The following CCDC14 variants were observed in gnomAD, a reference collection of about 807,000 sequenced individuals.
The protein encoded by CCDC14 is coiled-coil domain-containing protein 14.
A neutral mutation model predicts 81.4 loss-of-function variants in CCDC14; 71 were observed. That is an observed-to-expected ratio of 0.87 (90% CI 0.72 to 1.06). The LOEUF (loss-of-function observed/expected upper bound fraction) is 1.06, where lower values mean the gene tolerates loss of function less well. CCDC14 is among the 50% of genes least tolerant of loss of function. The pLI is 0.00. For synonymous variants in CCDC14, 332 were observed against 364.8 expected (o/e 0.91, Z 1.03); for missense variants, 1,046 against 1,047.3 (o/e 1.00, Z 0.02).
At chr3:123,890,274 A>C in the CCDC14 span, among the ~76,000 whole-genome samples, 1 of 152,182 alleles carries the variant, frequency 6.6e-6, no homozygotes, top group African/African-American at 2.4e-5. Context: ...CTGCCCCGGC[A>C]TCTCCCAAAT....
intron 7 of CCDC14, among the ~76,000 whole-genome samples, 185 bp downstream of exon 7, chr3:123,948,506 C>T (rs1314347942): frequency 2.0e-5 from 3 of 152,116 alleles, no homozygotes; most frequent in Non-Finnish European, 1.5e-5. Context: ...TCCCAAAGTG[C>T]CGGGATTACA....
intron 7 of CCDC14, among the ~76,000 whole-genome samples, chr3:123,948,239 CTT>C (rs5852375): frequency 3.4e-4 from 47 of 138,352 alleles, no homozygotes; most frequent in South Asian, 6.8e-4. Flanking sequence ...TCTTTCTTTT[CTT>C]TTTTTTTTTT....
chr3:123,892,152 T>C, the CCDC14 span, among the ~76,000 whole-genome samples: 4 of 152,230 alleles, frequency 2.6e-5, no homozygotes, highest in African/African-American at 7.2e-5. Flanking sequence ...ATGAGAATTA[T>C]GGAAGCTATA....
chr3:123,933,844 T>C, intron 9 of CCDC14, 89 bp from the exon 10 acceptor site: 3 of 848,946 alleles, frequency 3.5e-6, no homozygotes, highest in Non-Finnish European at 5.6e-6. Context: ...AGATAAAACA[T>C]AAACCCACTA....
intron 10 of CCDC14, 88 bp downstream of exon 10, chr3:123,933,585 C>T: frequency 5.0e-6 from 4 of 807,726 alleles, no homozygotes; most frequent in South Asian, 1.8e-5. Flanking sequence ...TAAATTTATC[C>T]CCTCAAAGTA....
intron 5 of CCDC14, among the ~76,000 whole-genome samples, chr3:123,902,932 T>C (rs943850767): frequency 6.6e-6 from 1 of 152,142 alleles, no homozygotes; most frequent in Non-Finnish European, 1.5e-5. Flanking sequence ...TAGGCCCACA[T>C]GCATTAGGTA....
downstream of CCDC14, among the ~76,000 whole-genome samples, chr3:123,911,930 A>G (rs902940783): frequency 2.0e-5 from 3 of 152,190 alleles, no homozygotes; most frequent in African/African-American, 7.2e-5. Context: ...AAGGTTTCTG[A>G]AAGATTTACT....
intron 9 of CCDC14, among the ~76,000 whole-genome samples, chr3:123,942,089 G>A (rs192509918): frequency 1.3e-5 from 2 of 151,846 alleles, no homozygotes; most frequent in Non-Finnish European, 2.9e-5. Context: ...CTTCCTAACC[G>A]AGACAGTGTA....
chr3:123,910,332 C>G (rs777808641), downstream of CCDC14, among the ~76,000 whole-genome samples: 1 of 152,078 alleles, frequency 6.6e-6, no homozygotes, highest in African/African-American at 2.4e-5. Flanking sequence ...ATCTAATGGT[C>G]GTCCGCCTGG....
At chr3:123,952,905 A>G (rs1371436616) in intron 5 of CCDC14, 15 of 204,272 alleles carry the variant, frequency 7.3e-5, no homozygotes. Context: ...CCACACACAC[A>G]CACAACTAGA....
the CCDC14 span, among the ~76,000 whole-genome samples, chr3:123,886,460 C>T: frequency 2.6e-5 from 4 of 151,588 alleles, no homozygotes; most frequent in Admixed American, 6.6e-5. Context: ...TGCAGTGGCA[C>T]GATCTCGGCT....
chr3:123,959,008 G>T (rs561438373), intron 1 of CCDC14: 1 of 152,250 alleles, frequency 6.6e-6, no homozygotes, highest in East Asian at 1.9e-4. Context: ...ATAGTCCATT[G>T]TATGTATATA....
the CCDC14 span, among the ~76,000 whole-genome samples, chr3:123,887,048 C>T: frequency 6.6e-6 from 1 of 152,072 alleles, no homozygotes; most frequent in Non-Finnish European, 1.5e-5. Context: ...ATAATAATCT[C>T]AGAATAACAA....
Position 123,948,678 on chromosome 3 carries a change from G to C in CCDC14, c.684+13C>G. On this transcript the variant is annotated intron_variant, in intron 7 of 12. Coordinates refer to ENST00000409697, the MANE Select transcript of CCDC14 (RefSeq NM_001366335.1). ...GCAAATAGTTACTTATGTAGTATAA[G>C]AACTGTACGCACAGAATGAACCTTT... The C allele has an allele frequency of 6.3e-7, 1 of 1,577,194 alleles. No individual in the cohort carries two copies. The highest frequency in any genetic ancestry group is 1.2e-5 in the South Asian group (1 of 84,390).
chr3:123,932,145 A>C (rs2035767205), intron 10 of CCDC14, among the ~76,000 whole-genome samples: 1 of 152,258 alleles, frequency 6.6e-6, no homozygotes, highest in Admixed American at 6.5e-5. Context: ...GAATATACAG[A>C]GATGAACAAC....
At chr3:123,909,565 C>G (rs1473881699), downstream of CCDC14, among the ~76,000 whole-genome samples, 1 of 152,212 alleles carries the variant, frequency 6.6e-6, no homozygotes, top group Non-Finnish European at 1.5e-5. Flanking sequence ...TTTAAGAACA[C>G]TGTGTGCCTT....
intron 9 of CCDC14, among the ~76,000 whole-genome samples, chr3:123,939,431 C>CT (rs368201510): frequency 3.5e-5 from 5 of 142,570 alleles, no homozygotes; most frequent in African/African-American, 1.0e-4. Flanking sequence ...TCCTATTCAT[C>CT]TGCTGACACA....
At chr3:123,935,892 G>A (rs1300897435) in intron 9 of CCDC14, among the ~76,000 whole-genome samples, 2 of 151,950 alleles carry the variant, frequency 1.3e-5, no homozygotes, top group African/African-American at 4.8e-5. Context: ...GTGGTTTGGG[G>A]ACAAACACAG....
Position 123,920,556 on chromosome 3 carries a change from C to T in CCDC14, c.1779-4838G>A, listed in dbSNP as rs560137686. 2.0e-5 allele frequency among the ~76,000 whole-genome samples: 3 copies of T among 152,280 alleles called. No individual in the cohort carries two copies. The East Asian group carries it at 5.8e-4, about 29-fold the overall frequency. On this transcript the variant is annotated intron_variant, in intron 12 of 12. Transcript: ENST00000409697. Reference sequence around the variant, plus strand: ...TCAATATGGCTAACAGTGGACTTCTCAACAAAAACAACCTGTCAACCAAGA... The same window carrying T: ...TCAATATGGCTAACAGTGGACTTCTTAACAAAAACAACCTGTCAACCAAGA...
Sources: gnomAD v4.1 joint callset for allele counts (sites outside exome capture counted in the v4.1 genomes callset) on GRCh38, gnomAD v4.1.1 for gene constraint, MANE v1.5 for transcripts, NCBI Gene and HGNC (gene_info 2026-07-23, HGNC 2026-07-21) for gene names.